The following SEMA3A variants were observed in gnomAD, a reference collection of about 807,000 sequenced individuals.
SEMA3A encodes the protein semaphorin 3A.
SEMA3A carries 29 observed loss-of-function variants against 97.9 expected under a neutral mutation model. The ratio of observed to expected loss-of-function variants is 0.30; its 90% CI spans 0.22 to 0.40. The LOEUF is 0.40. Ranked by LOEUF, SEMA3A falls within the 10% of genes least tolerant of loss-of-function variation. The pLI is 1.00. For missense variants in SEMA3A, 763 were observed against 951.3 expected (o/e 0.80, Z 2.60); for synonymous variants, 321 against 323.7 (o/e 0.99, Z 0.09).
rs78139620 is a variant in SEMA3A, at chr7:84,120,742, C to A, written c.333+8381G>T. On this transcript the variant is annotated intron_variant, in intron 3 of 16. Coordinates refer to ENST00000265362, the MANE Select transcript of SEMA3A (RefSeq NM_006080.3). ...CAGAGTGTCCACATAAAATTGTAAT[C>A]GATATTTTCAAAAATTATAAAGGGT... is the stretch of plus-strand genomic sequence containing the variant. Among the ~76,000 whole-genome samples, 2,976 of 152,178 alleles carry A rather than the reference C, an allele frequency of 0.02. 262 individuals carry two copies. In the East Asian group the frequency reaches 0.25, roughly 13 times the overall value.
intron 3 of SEMA3A, among the ~76,000 whole-genome samples, chr7:84,233,798 G>T (rs1799170198): frequency 6.6e-6 from 1 of 151,920 alleles, no homozygotes; most frequent in South Asian, 2.1e-4. Context: ...TTTACTGAGA[G>T]GCCAAACTAT....
rs556166062 is a variant in SEMA3A, at chr7:84,370,771, T to C, written c.-169+1053A>G. Among the ~76,000 whole-genome samples, 3 of 151,772 alleles carry C rather than the reference T, an allele frequency of 2.0e-5. No homozygotes were observed. The East Asian group carries it at 5.8e-4, about 29-fold the overall frequency. ...ATGAAGTTGTAAGATGTAAAGTTTC[T>C]TTAGGGACAAAAATAAGGAGACATA... is the stretch of plus-strand genomic sequence containing the variant. On this transcript the variant is annotated intron_variant, in intron 2 of 3. Transcript: ENST00000424555.
chr7:84,409,617 T>C lies in SEMA3A; in HGVS notation c.-245-37717A>G, dbSNP rs183354404. Among the ~76,000 whole-genome samples the C allele has an allele frequency of 5.3e-4, 81 of 152,180 alleles. 1 individual carries two copies. In the East Asian group the frequency reaches 0.015, roughly 29 times the overall value. Reference sequence around the variant, plus strand: ...TCTCTGAAACGTATTTAACCATCCATAGATACAAAATAGCTATTGTGTAAA... The same window carrying C: ...TCTCTGAAACGTATTTAACCATCCACAGATACAAAATAGCTATTGTGTAAA... On this transcript the variant is annotated intron_variant, in intron 1 of 3. Coordinates refer to the SEMA3A transcript ENST00000424555.
At chr7:84,299,457 A>G (rs1050653622) in intron 3 of SEMA3A, among the ~76,000 whole-genome samples, 1 of 151,146 alleles carries the variant, frequency 6.6e-6, no homozygotes, top group Non-Finnish European at 1.5e-5. Context: ...GAGTAAAAAG[A>G]CGGATGCACT....
chr7:84,380,811 C>A (rs1803239346), intron 1 of SEMA3A, among the ~76,000 whole-genome samples: 2 of 152,178 alleles, frequency 1.3e-5, no homozygotes. Flanking sequence ...TGCACAAAAA[C>A]CCTTAACTTT....
chr7:84,388,858 G>C (rs1452110720), intron 1 of SEMA3A, among the ~76,000 whole-genome samples: 3 of 152,006 alleles, frequency 2.0e-5, no homozygotes, highest in African/African-American at 7.2e-5. Flanking sequence ...GTTCTCAAGA[G>C]CTGTGTAGAA....
At position 84,476,274 on chromosome 7, in the gene SEMA3A, G is replaced by A. The variant is rs943889891; in HGVS notation, c.-246+16186C>T. ...TCAGGAGGGCTGAGGCAGGAGAATC[G>A]CTTCAACCCGGGAGGCGGAGGTTGC... On this transcript the variant is annotated intron_variant, in intron 1 of 3. Coordinates refer to the SEMA3A transcript ENST00000424555. Among the ~76,000 whole-genome samples the A allele has an allele frequency of 2.6e-5, 4 of 151,288 alleles. No individual in the cohort carries two copies. The South Asian group carries it at 8.4e-4, about 32-fold the overall frequency.
chr7:84,434,640 C>T (rs1474733697), intron 1 of SEMA3A, among the ~76,000 whole-genome samples: 2 of 152,104 alleles, frequency 1.3e-5, no homozygotes, highest in African/African-American at 4.8e-5. Flanking sequence ...AATCCAGCAG[C>T]ATGTCAAAGA....
intron 1 of SEMA3A, among the ~76,000 whole-genome samples, chr7:84,415,500 T>C (rs1007494963): frequency 6.6e-6 from 1 of 152,118 alleles, no homozygotes; most frequent in East Asian, 1.9e-4. Flanking sequence ...TTTGAGATTG[T>C]ATTTCACAAT....
At chr7:84,416,986 T>C (rs945870228) in intron 1 of SEMA3A, among the ~76,000 whole-genome samples, 1 of 152,108 alleles carries the variant, frequency 6.6e-6, no homozygotes, top group Non-Finnish European at 1.5e-5. Flanking sequence ...AATCCCATGG[T>C]ACTTGAAATT....
At chr7:84,228,425 T>C (rs1799042051) in intron 3 of SEMA3A, among the ~76,000 whole-genome samples, 1 of 152,062 alleles carries the variant, frequency 6.6e-6, no homozygotes, top group Non-Finnish European at 1.5e-5. Context: ...AAAAATAGAC[T>C]ATATATATGC....
At chr7:84,389,275 G>A (rs1803479750) in intron 1 of SEMA3A, among the ~76,000 whole-genome samples, 1 of 152,042 alleles carries the variant, frequency 6.6e-6, no homozygotes, top group Non-Finnish European at 1.5e-5. Flanking sequence ...AATTGCTAAA[G>A]TGAATCTACT....
Position 84,046,564 on chromosome 7 carries a change from C to T in SEMA3A, c.548-121G>A, listed in dbSNP as rs1480199229. ...CCATGCTAAGAGGAAAACTGAAATGCTCTCTGCATCATTATGCAGTTACTT... is the reference window on the plus strand; with the variant it reads ...CCATGCTAAGAGGAAAACTGAAATGTTCTCTGCATCATTATGCAGTTACTT... On this transcript the variant is annotated intron_variant, in intron 5 of 16. Coordinates refer to ENST00000265362, the MANE Select transcript of SEMA3A (RefSeq NM_006080.3). 11 of 1,043,226 alleles carry T rather than the reference C, an allele frequency of 1.1e-5. No homozygotes were observed. The East Asian group carries it at 1.7e-4, about 16-fold the overall frequency. The allele number at this position is 1,043,226 out of a possible 1,614,324, so 64.6% of individuals were successfully genotyped here.
intron 3 of SEMA3A, among the ~76,000 whole-genome samples, chr7:84,255,615 G>A (rs1175090353): frequency 6.6e-6 from 1 of 151,964 alleles, no homozygotes; most frequent in African/African-American, 2.4e-5. Context: ...AAAACTTCAG[G>A]GGCGGATGTC....
At chr7:84,263,918 G>T (rs1799923037) in intron 3 of SEMA3A, among the ~76,000 whole-genome samples, 2 of 152,070 alleles carry the variant, frequency 1.3e-5, no homozygotes, top group Non-Finnish European at 2.9e-5. Flanking sequence ...ACTGAGATTT[G>T]AATAGCGGCA....
chr7:84,127,691 C>G lies in SEMA3A; in HGVS notation c.333+1432G>C, dbSNP rs187151023. ...CTTCCTTCACCTATAGGCAACATTGCTGCTAGATTGAGTCAGTCTTTTCCC... is the reference window on the plus strand; with the variant it reads ...CTTCCTTCACCTATAGGCAACATTGGTGCTAGATTGAGTCAGTCTTTTCCC... On this transcript the variant is annotated intron_variant, in intron 3 of 16. Coordinates refer to ENST00000265362, the MANE Select transcript of SEMA3A (RefSeq NM_006080.3). Among the ~76,000 whole-genome samples, 5 of 152,278 alleles carry G rather than the reference C, an allele frequency of 3.3e-5. No homozygotes were observed. In the South Asian group the frequency reaches 1.0e-3, roughly 32 times the overall value.
chr7:84,469,856 T>C (rs1238032023), intron 1 of SEMA3A, among the ~76,000 whole-genome samples: 1 of 151,984 alleles, frequency 6.6e-6, no homozygotes, highest in African/African-American at 2.4e-5. Context: ...ATAATAAGAC[T>C]AATGAACTTT....
At chr7:84,186,058 ATAAAT>A (rs1467701276) in intron 1 of SEMA3A, among the ~76,000 whole-genome samples, 1 of 152,186 alleles carries the variant, frequency 6.6e-6, no homozygotes, top group East Asian at 1.9e-4. Context: ...TCTAAGTCAT[ATAAAT>A]TATTCTAAAT....
intron 2 of SEMA3A, among the ~76,000 whole-genome samples, chr7:84,348,608 T>C (rs993787616): frequency 6.6e-6 from 1 of 152,156 alleles, no homozygotes; most frequent in African/African-American, 2.4e-5. Context: ...CTAAATATAG[T>C]GATAAAAGTC....
Sources: allele counts gnomAD v4.1 joint callset (sites outside exome capture counted in the v4.1 genomes callset), GRCh38; gene constraint gnomAD v4.1.1; transcripts MANE v1.5; gene names NCBI Gene and HGNC (gene_info 2026-07-23, HGNC 2026-07-21).